CDH13: variants seen among roughly 807,000 people sequenced by gnomAD.
CDH13 encodes cadherin 13.
In CDH13, 24 loss-of-function variants were observed where a neutral mutation model predicts 63.8. That is an observed-to-expected ratio of 0.38 (90% CI 0.27 to 0.53). CDH13 has a LOEUF of 0.53. Among genes scored for constraint, CDH13 ranks in the 20% least tolerant of loss-of-function variants. The pLI, the probability that CDH13 is intolerant of heterozygous loss-of-function variation, is 0.85. For missense variants in CDH13, 1,049 were observed against 903.1 expected (o/e 1.16, Z -2.07); for synonymous variants, 503 against 355.3 (o/e 1.42, Z -4.67).
At chr16:83,697,707 G>A (rs985078177) in intron 10 of CDH13, among the ~76,000 whole-genome samples, 1 of 152,214 alleles carries the variant, frequency 6.6e-6, no homozygotes, top group Non-Finnish European at 1.5e-5. Flanking sequence ...GAGTGCAGTG[G>A]TGCAATCTCG....
chr16:83,687,495 C>T (rs1054141931), intron 10 of CDH13, among the ~76,000 whole-genome samples: 22 of 152,140 alleles, frequency 1.4e-4, no homozygotes, highest in South Asian at 4.1e-4. Context: ...CTCACTATCC[C>T]GAAGACGCCA....
chr16:82,830,328 A>G (rs1054577809), intron 1 of CDH13, among the ~76,000 whole-genome samples: 2 of 152,242 alleles, frequency 1.3e-5, no homozygotes. Flanking sequence ...AGGCTCTGTT[A>G]TGACATACCT....
chr16:82,840,116 C>A (rs1469964850), intron 1 of CDH13, among the ~76,000 whole-genome samples: 1 of 152,082 alleles, frequency 6.6e-6, no homozygotes, highest in Non-Finnish European at 1.5e-5. Flanking sequence ...AAGAGACCAC[C>A]TTCCCCACAA....
At chr16:82,649,850 C>T (rs1910520204) in intron 1 of CDH13, among the ~76,000 whole-genome samples, 1 of 152,178 alleles carries the variant, frequency 6.6e-6, no homozygotes, top group Non-Finnish European at 1.5e-5. Flanking sequence ...TGCTTCCGAC[C>T]CCTCATCTGT....
intron 3 of CDH13, among the ~76,000 whole-genome samples, chr16:83,084,087 C>T (rs2033430931): frequency 1.3e-5 from 2 of 152,166 alleles, no homozygotes; most frequent in Non-Finnish European, 2.9e-5. Context: ...CCTAATGTGG[C>T]AAAAACCAAT....
At chr16:83,022,468 C>T (rs73594249) in intron 2 of CDH13, among the ~76,000 whole-genome samples, 10,495 of 152,270 alleles carry the variant, frequency 0.069, 431 homozygotes, top group African/African-American at 0.11. Flanking sequence ...TGCAAGCCAA[C>T]TGAAGGCACA....
In CDH13 at chr16:82,872,792, T is replaced by C. The variant is rs1455963046; in HGVS notation, c.157+14319T>C. On this transcript the variant is annotated intron_variant, in intron 2 of 13. Coordinates refer to ENST00000567109, the MANE Select transcript of CDH13 (RefSeq NM_001257.5). ...GGAATGGAAAAGGAAAAGATGTATA[T>C]TGAGTCCCTACCACTCATTTAGCCA... Among the ~76,000 whole-genome samples the C allele has an allele frequency of 4.6e-5, 7 of 152,190 alleles. 1 individual carries two copies. The highest frequency in any genetic ancestry group is 3.9e-4 in the Admixed American group (6 of 15,274).
intron 5 of CDH13, among the ~76,000 whole-genome samples, chr16:83,262,703 T>A (rs964131897): frequency 6.6e-6 from 1 of 152,198 alleles, no homozygotes; most frequent in Non-Finnish European, 1.5e-5. Context: ...GGAAAGGGTT[T>A]CCTTAAAAAT....
chr16:83,062,755 G>A (rs2031672368), intron 3 of CDH13, among the ~76,000 whole-genome samples: 1 of 152,080 alleles, frequency 6.6e-6, no homozygotes, highest in South Asian at 2.1e-4. Flanking sequence ...TGTTTCTGTG[G>A]GTCAAGAATT....
chr16:83,006,447 C>T (rs539082312), intron 2 of CDH13, among the ~76,000 whole-genome samples: 1 of 152,262 alleles, frequency 6.6e-6, no homozygotes, highest in Admixed American at 6.5e-5. Flanking sequence ...CCAAAGCTTG[C>T]CTTTCAGGGA....
chr16:83,476,054 T>G (rs1381101110), intron 6 of CDH13, among the ~76,000 whole-genome samples: 1 of 152,250 alleles, frequency 6.6e-6, no homozygotes, highest in African/African-American at 2.4e-5. Context: ...TATATTACCT[T>G]AAGCTGTAAA....
At chr16:83,494,888 T>G (rs2074099802) in intron 7 of CDH13, among the ~76,000 whole-genome samples, 1 of 152,338 alleles carries the variant, frequency 6.6e-6, no homozygotes, top group Middle Eastern at 3.4e-3. Flanking sequence ...CTAAAAGCCG[T>G]GATCAACCTT....
At chr16:82,944,595 G>T (rs1404478101) in intron 2 of CDH13, among the ~76,000 whole-genome samples, 1 of 152,124 alleles carries the variant, frequency 6.6e-6, no homozygotes, top group Non-Finnish European at 1.5e-5. Context: ...AAGGCCAGGG[G>T]TGGTGTTAAC....
chr16:82,854,478 T>C (rs912898696), intron 1 of CDH13, among the ~76,000 whole-genome samples: 1 of 151,774 alleles, frequency 6.6e-6, no homozygotes, highest in Non-Finnish European at 1.5e-5. Flanking sequence ...TATTGACTAG[T>C]AAGATATTTA....
At chr16:82,748,999 G>A (rs1280646118) in intron 1 of CDH13, among the ~76,000 whole-genome samples, 2 of 152,090 alleles carry the variant, frequency 1.3e-5, no homozygotes, top group Non-Finnish European at 2.9e-5. Context: ...GTTCTTTGGG[G>A]GAAATTAATT....
chr16:82,814,483 G>A (rs534145248), intron 1 of CDH13, among the ~76,000 whole-genome samples: 15 of 152,104 alleles, frequency 9.9e-5, no homozygotes, highest in Non-Finnish European at 1.9e-4. Context: ...ATGTAACAAA[G>A]CCTCCATGAT....
intron 3 of CDH13, among the ~76,000 whole-genome samples, chr16:83,086,097 A>G (rs2033579812): frequency 6.6e-6 from 1 of 152,208 alleles, no homozygotes; most frequent in Non-Finnish European, 1.5e-5. Context: ...TGATGAAAAG[A>G]TGGTGGCCTA....
At chr16:83,706,902 T>C (rs1436300260) in intron 10 of CDH13, among the ~76,000 whole-genome samples, 1 of 139,794 alleles carries the variant, frequency 7.2e-6, no homozygotes, top group Non-Finnish European at 1.5e-5. Flanking sequence ...GCATATTAAG[T>C]CCTGGGTGGC....
At chr16:83,010,765 T>C (rs1413163362) in intron 2 of CDH13, among the ~76,000 whole-genome samples, 1 of 152,226 alleles carries the variant, frequency 6.6e-6, no homozygotes, top group African/African-American at 2.4e-5. Context: ...TGTGAACCTA[T>C]GATTAGAAAC....
Sources: gnomAD v4.1 joint callset for allele counts (sites outside exome capture counted in the v4.1 genomes callset) on GRCh38, gnomAD v4.1.1 for gene constraint, MANE v1.5 for transcripts, NCBI Gene and HGNC (gene_info 2026-07-23, HGNC 2026-07-21) for gene names.